The following RGS6 variants were observed in gnomAD, a reference collection of about 807,000 sequenced individuals.
RGS6 encodes the protein regulator of G protein signaling 6.
In RGS6, 30 loss-of-function variants were observed where a neutral mutation model predicts 78.5. That is an observed-to-expected ratio of 0.38 (90% CI 0.29 to 0.52). The LOEUF is 0.52. RGS6 is among the 20% of genes least tolerant of loss of function. RGS6 has a pLI of 0.85. For synonymous variants in RGS6, 206 were observed against 206.0 expected, an observed-to-expected ratio of 1.00 and a Z score of 0.00; for missense variants, 495 against 609.7, an observed-to-expected ratio of 0.81 and a Z score of 1.98.
intron 2 of RGS6, among the ~76,000 whole-genome samples, chr14:72,282,733 A>C (rs988268402): frequency 6.6e-6 from 1 of 152,206 alleles, no homozygotes; most frequent in Non-Finnish European, 1.5e-5. Context: ...TCACCTCCAG[A>C]AGTTTCCTTG....
chr14:72,251,155 T>G (rs888251287), intron 2 of RGS6, among the ~76,000 whole-genome samples: 2 of 152,206 alleles, frequency 1.3e-5, no homozygotes, highest in Non-Finnish European at 2.9e-5. Context: ...AAGTTGAATT[T>G]ATGGGACGGT....
At chr14:71,906,098 A>G in the RGS6 span, among the ~76,000 whole-genome samples, 1 of 152,222 alleles carries the variant, frequency 6.6e-6, no homozygotes. Flanking sequence ...AACATTTGGC[A>G]TGTGGAAGCT....
At chr14:72,217,541 G>T (rs1367857187) in intron 2 of RGS6, among the ~76,000 whole-genome samples, 2 of 151,852 alleles carry the variant, frequency 1.3e-5, no homozygotes, top group Non-Finnish European at 2.9e-5. Flanking sequence ...CTTTTTTATA[G>T]TTTTTTTCTA....
At chr14:72,153,623 C>T (rs578193750) in intron 2 of RGS6, among the ~76,000 whole-genome samples, 53 of 152,142 alleles carry the variant, frequency 3.5e-4, no homozygotes, top group Non-Finnish European at 6.3e-4. Context: ...ACACCTGGGC[C>T]GCCGGGGGTG....
intron 3 of RGS6, among the ~76,000 whole-genome samples, chr14:72,394,500 C>A (rs2090721751): frequency 6.6e-6 from 1 of 152,096 alleles, no homozygotes; most frequent in Non-Finnish European, 1.5e-5. Context: ...ATTTTAGAGA[C>A]CTCCCACTAA....
At chr14:72,617,164 T>G in the RGS6 span, among the ~76,000 whole-genome samples, 69 of 152,188 alleles carry the variant, frequency 4.5e-4, no homozygotes, top group Admixed American at 4.5e-3. Context: ...TGCACTTCTG[T>G]GGAAAACAAA....
chr14:71,975,782 CTT>C (rs1450396243), intron 2 of RGS6, among the ~76,000 whole-genome samples: 1 of 152,176 alleles, frequency 6.6e-6, no homozygotes, highest in African/African-American at 2.4e-5. Context: ...TAACCATTAA[CTT>C]TTCAAATATT....
chr14:72,544,330 G>A (rs17180754), intron 17 of RGS6, among the ~76,000 whole-genome samples: 13,745 of 152,220 alleles, frequency 0.09, 742 homozygotes, highest in South Asian at 0.16. Flanking sequence ...CTGAAGTTAG[G>A]AGAAAATGGC....
chr14:72,448,567 A>C (rs2095421914), intron 3 of RGS6, among the ~76,000 whole-genome samples: 1 of 152,210 alleles, frequency 6.6e-6, no homozygotes, highest in East Asian at 1.9e-4. Context: ...ATTCATTTGC[A>C]AAATGGAGAT....
chr14:72,315,323 A>G (rs2152483656), intron 2 of RGS6, among the ~76,000 whole-genome samples: 1 of 152,356 alleles, frequency 6.6e-6, no homozygotes, highest in South Asian at 2.1e-4. Context: ...TAACGTTTAC[A>G]CTGGCTTCTT....
chr14:72,410,365 T>A (rs992331259), intron 3 of RGS6, among the ~76,000 whole-genome samples: 1 of 152,368 alleles, frequency 6.6e-6, no homozygotes, highest in Non-Finnish European at 1.5e-5. Flanking sequence ...ATAAATGTCT[T>A]CTTTTGAGAA....
chr14:72,054,306 C>G (rs193170043), intron 2 of RGS6, among the ~76,000 whole-genome samples: 1 of 152,186 alleles, frequency 6.6e-6, no homozygotes, highest in East Asian at 1.9e-4. Context: ...CATAACAGTT[C>G]GCTCAATTAA....
chr14:72,264,948 G>A (rs983625077), intron 2 of RGS6, among the ~76,000 whole-genome samples: 2 of 152,202 alleles, frequency 1.3e-5, no homozygotes, highest in Non-Finnish European at 2.9e-5. Flanking sequence ...TGTCCAGGAT[G>A]AATTTGATGT....
At chr14:72,271,584 T>C (rs1413323196) in intron 2 of RGS6, among the ~76,000 whole-genome samples, 2 of 152,232 alleles carry the variant, frequency 1.3e-5, no homozygotes, top group African/African-American at 2.4e-5. Context: ...GTGCCACATC[T>C]TTCCTGTAAG....
chr14:72,150,318 C>G (rs961565974), intron 2 of RGS6, among the ~76,000 whole-genome samples: 1 of 152,078 alleles, frequency 6.6e-6, no homozygotes, highest in Non-Finnish European at 1.5e-5. Context: ...TTCCCTAGAG[C>G]CTTCAGAGGG....
chr14:72,267,472 A>G (rs987527943), intron 2 of RGS6, among the ~76,000 whole-genome samples: 3 of 152,194 alleles, frequency 2.0e-5, no homozygotes, highest in Non-Finnish European at 4.4e-5. Context: ...TGCAAAACCA[A>G]AAATACTTGC....
chr14:72,037,896 T>A (rs2091935744), intron 2 of RGS6, among the ~76,000 whole-genome samples: 1 of 152,230 alleles, frequency 6.6e-6, no homozygotes. Flanking sequence ...TGTAGGTTTA[T>A]TTCTGGAAGT....
the RGS6 span, among the ~76,000 whole-genome samples, chr14:72,586,277 G>T: frequency 6.6e-6 from 1 of 152,188 alleles, no homozygotes; most frequent in Admixed American, 6.5e-5. Context: ...CCGGTGTTTG[G>T]GTTGTAGGAG....
At chr14:72,541,213 T>C in intron 17 of RGS6, 1 of 1,411,002 alleles carries the variant, frequency 7.1e-7, no homozygotes, top group Non-Finnish European at 9.4e-7. Context: ...GGAAAATCCT[T>C]GTAAAACCTG....
Sources: allele counts gnomAD v4.1 joint callset (sites outside exome capture counted in the v4.1 genomes callset), GRCh38; gene constraint gnomAD v4.1.1; transcripts MANE v1.5; gene names NCBI Gene and HGNC (gene_info 2026-07-23, HGNC 2026-07-21).